AIM2: variants seen among roughly 807,000 people sequenced by gnomAD.
AIM2 encodes the protein absent in melanoma 2, also known as interferon-inducible protein AIM2.
In AIM2, 30 loss-of-function variants were observed where a neutral mutation model predicts 27.7. That is an observed-to-expected ratio of 1.08 (90% confidence interval 0.81 to 1.47). AIM2 has a LOEUF of 1.47. AIM2 is among the 40% of genes most tolerant of loss of function. The pLI is 0.00. For missense variants in AIM2, 358 were observed against 411.3 expected (o/e 0.87, Z 1.12); for synonymous variants, 141 against 145.3 (o/e 0.97, Z 0.21).
intron 1 of AIM2, among the ~76,000 whole-genome samples, chr1:159,094,864 T>C (rs1657136417): frequency 1.3e-5 from 2 of 152,222 alleles, no homozygotes; most frequent in Admixed American, 1.3e-4. Context: ...GCTTTGTATG[T>C]CTAATTTATT....
intron 1 of AIM2, among the ~76,000 whole-genome samples, chr1:159,133,131 C>G (rs1647936415): frequency 6.6e-6 from 1 of 152,212 alleles, no homozygotes; most frequent in African/African-American, 2.4e-5. Flanking sequence ...TCCCCTATCA[C>G]ATTCCCAAAA....
At chr1:159,083,951 C>T (rs915849344) in intron 1 of AIM2, among the ~76,000 whole-genome samples, 1 of 152,094 alleles carries the variant, frequency 6.6e-6, no homozygotes, top group African/African-American at 2.4e-5. Flanking sequence ...CTCTAGAGTC[C>T]CTAATTGCCT....
intron 1 of AIM2, among the ~76,000 whole-genome samples, chr1:159,104,030 C>T (rs956950153): frequency 6.6e-6 from 1 of 151,916 alleles, no homozygotes; most frequent in Admixed American, 6.6e-5. Flanking sequence ...GAAAAACCTA[C>T]ACTTTTTTTA....
At chr1:159,120,618 T>C (rs1334523005) in intron 1 of AIM2, among the ~76,000 whole-genome samples, 1 of 152,158 alleles carries the variant, frequency 6.6e-6, no homozygotes, top group Non-Finnish European at 1.5e-5. Flanking sequence ...TGGATTAGCA[T>C]GTGTAAAACT....
intron 1 of AIM2, among the ~76,000 whole-genome samples, chr1:159,125,342 G>A (rs532352126): frequency 2.6e-5 from 4 of 152,316 alleles, no homozygotes; most frequent in African/African-American, 9.6e-5. Flanking sequence ...TTAGCCAGAG[G>A]CTGTGAGCTT....
chr1:159,102,920 A>G (rs1423715483), intron 1 of AIM2, among the ~76,000 whole-genome samples: 2 of 152,190 alleles, frequency 1.3e-5, no homozygotes, highest in Admixed American at 1.3e-4. Context: ...AAATGAGTTA[A>G]GACTTTGGGG....
chr1:159,112,697 A>G (rs1353085324), intron 1 of AIM2, among the ~76,000 whole-genome samples: 1 of 152,176 alleles, frequency 6.6e-6, no homozygotes, highest in Non-Finnish European at 1.5e-5. Context: ...GAATTTAACC[A>G]TGGCTATGGG....
At chr1:159,112,969 G>T (rs189709323) in intron 1 of AIM2, among the ~76,000 whole-genome samples, 11 of 141,976 alleles carry the variant, frequency 7.7e-5, no homozygotes, top group Admixed American at 7.4e-4. Context: ...TTTTGGGACG[G>T]AGTCTCACTC....
At chr1:159,130,118 A>G (rs11265142) in intron 1 of AIM2, among the ~76,000 whole-genome samples, 13,520 of 152,196 alleles carry the variant, frequency 0.089, 893 homozygotes, top group South Asian at 0.34. Context: ...GCATCTGTTC[A>G]TTGATTCTGG....
chr1:159,096,295 A>T (rs1253797171), intron 1 of AIM2, among the ~76,000 whole-genome samples: 1 of 152,194 alleles, frequency 6.6e-6, no homozygotes, highest in Non-Finnish European at 1.5e-5. Flanking sequence ...TGGGAGGGTT[A>T]CTTAGCCTCT....
intron 1 of AIM2, among the ~76,000 whole-genome samples, chr1:159,095,014 C>T (rs1296397884): frequency 6.6e-6 from 1 of 151,956 alleles, no homozygotes; most frequent in East Asian, 1.9e-4. Context: ...TAAATCATTA[C>T]TGAAAAAAAA....
chr1:159,118,078 A>C (rs1310324290), intron 1 of AIM2, among the ~76,000 whole-genome samples: 2 of 152,180 alleles, frequency 1.3e-5, no homozygotes, highest in African/African-American at 2.4e-5. Context: ...TTATACCCAG[A>C]AACATCAAAA....
chr1:159,083,498 T>C (rs941330977), intron 1 of AIM2, among the ~76,000 whole-genome samples: 4 of 152,220 alleles, frequency 2.6e-5, no homozygotes, highest in Admixed American at 2.6e-4. Context: ...TTTCAATCAA[T>C]AGTAATATAT....
At chr1:159,073,195 T>C (rs1656437794) in intron 2 of AIM2, 43 bp downstream of exon 2, 3 of 1,609,370 alleles carry the variant, frequency 1.9e-6, no homozygotes, top group Non-Finnish European at 2.6e-6. Flanking sequence ...GGCCCAGGCT[T>C]GGCAGAAAAA....
chr1:159,093,879 G>T lies in AIM2; in HGVS notation c.-15-27550C>A, dbSNP rs189407521. On this transcript the variant is annotated intron_variant, in intron 1 of 2. Coordinates refer to the AIM2 transcript ENST00000368129. ...GCCTCCCGAGTAGCTGGGATCACAGGCGCCTACCACCATGCCTGGATATTT... is the reference window on the plus strand; with the variant it reads ...GCCTCCCGAGTAGCTGGGATCACAGTCGCCTACCACCATGCCTGGATATTT... Among the ~76,000 whole-genome samples, 1,428 of 148,908 alleles carry T rather than the reference G, an allele frequency of 9.6e-3. 17 individuals carry two copies. The highest frequency in any genetic ancestry group is 0.011 in the Non-Finnish European group (732 of 67,250).
intron 1 of AIM2, among the ~76,000 whole-genome samples, chr1:159,095,651 A>T (rs529285278): frequency 6.6e-6 from 1 of 152,356 alleles, no homozygotes; most frequent in South Asian, 2.1e-4. Context: ...AAGAATTTTA[A>T]GGTACCACGT....
At chr1:159,114,869 G>A (rs929495952) in intron 1 of AIM2, among the ~76,000 whole-genome samples, 1 of 152,270 alleles carries the variant, frequency 6.6e-6, no homozygotes, top group Admixed American at 6.5e-5. Context: ...AGGGTATTCA[G>A]TTAGGAAAAG....
intron 4 of AIM2, 139 bp downstream of exon 4, chr1:159,065,771 C>T (rs1656062320): frequency 1.1e-6 from 1 of 941,088 alleles, no homozygotes; most frequent in South Asian, 2.5e-5. Context: ...CATGTTTACT[C>T]TGCAGCTCTT....
chr1:159,122,802 G>A (rs549352730), intron 1 of AIM2, among the ~76,000 whole-genome samples: 19 of 152,122 alleles, frequency 1.2e-4, no homozygotes, highest in African/African-American at 3.6e-4. Context: ...CTATTTTCAC[G>A]GTGACCCCAA....
Sources: gnomAD v4.1 joint callset for allele counts (sites outside exome capture counted in the v4.1 genomes callset) on GRCh38, gnomAD v4.1.1 for gene constraint, MANE v1.5 for transcripts, NCBI Gene and HGNC (gene_info 2026-07-23, HGNC 2026-07-21) for gene names.